CLCN5: variants seen among roughly 807,000 people sequenced by gnomAD.
The protein encoded by CLCN5 is Cl-/H+ antiporter 5, also known as H(+)/Cl(-) exchange transporter 5.
Under a neutral mutation model 54.0 loss-of-function variants are expected in CLCN5, and 17 were observed. The observed-to-expected ratio is 0.31, with a 90% CI of 0.22 to 0.47. The LOEUF (loss-of-function observed/expected upper bound fraction) is 0.47. CLCN5 is among the 20% of genes least tolerant of loss of function. The pLI, the probability that CLCN5 is intolerant of heterozygous loss-of-function variation, is 1.00. For missense variants in CLCN5, 448 were observed against 646.7 expected (o/e 0.69, Z 3.33); for synonymous variants, 222 against 233.0 (o/e 0.95, Z 0.43).
intron 3 of CLCN5, among the ~76,000 whole-genome samples, chrX:49,948,352 A>G (rs1926866557): frequency 1.8e-5 from 2 of 110,465 alleles, no homozygotes; most frequent in South Asian, 7.7e-4. Flanking sequence ...GTAGCTCTAA[A>G]CTCTAGATAG....
chrX:49,945,563 C>T (rs990494833), intron 3 of CLCN5: 7 of 106,740 alleles, frequency 6.6e-5, no homozygotes, highest in African/African-American at 2.1e-4. Context: ...TCTGCCTCTC[C>T]AGTAGCTGCA....
chrX:49,946,208 A>G, intron 3 of CLCN5, among the ~76,000 whole-genome samples: 1 of 112,524 alleles, frequency 8.9e-6, no homozygotes. Context: ...ATTGTTTGCT[A>G]TATTTGTTTT....
chrX:50,025,910 C>G lies in CLCN5; in HGVS notation c.17-16406C>G, dbSNP rs188897472. Among the ~76,000 whole-genome samples, 756 of 111,759 alleles carry G rather than the reference C, an allele frequency of 6.8e-3. 6 individuals carry two copies. Among genetic ancestry groups the G allele is most frequent in the African/African-American group, 0.023 (699 of 30,747 alleles). On this transcript the variant is annotated intron_variant, in intron 3 of 14. Transcript: ENST00000376091. ...TCTGCTCTAAGTTTTATTACTTCTT[C>G]TCTTCTGCTTACTTTGGATTCAATT...
At chrX:50,004,468 C>G (rs1393680696) in intron 3 of CLCN5, among the ~76,000 whole-genome samples, 1 of 110,761 alleles carries the variant, frequency 9.0e-6, no homozygotes, top group Non-Finnish European at 1.9e-5. Context: ...CTACTGTGTT[C>G]TAGGAACAAC....
At chrX:49,981,693 C>G (rs1602009348) in intron 3 of CLCN5, among the ~76,000 whole-genome samples, 1 of 96,402 alleles carries the variant, frequency 1.0e-5, no homozygotes, top group Non-Finnish European at 2.1e-5. Context: ...GCCATTGAAC[C>G]TTTTTTTTTT....
At chrX:49,942,741 T>C (rs1557171266) in intron 3 of CLCN5, among the ~76,000 whole-genome samples, 2 of 110,707 alleles carry the variant, frequency 1.8e-5, no homozygotes, top group Non-Finnish European at 3.8e-5. Flanking sequence ...AACTCATCCT[T>C]TTTTATGGCT....
At position 50,098,168 on chromosome X, in the gene CLCN5, G is replaced by C. The variant is rs1166198461; in HGVS notation, c.*5949G>C. 3 of 112,237 alleles carry C rather than the reference G, an allele frequency of 2.7e-5. No homozygotes were observed. Among genetic ancestry groups the C allele is most frequent in the African/African-American group, 9.8e-5 (3 of 30,703 alleles). 9.2% of individuals were successfully genotyped at this position (112,237 alleles called of 1,213,427 possible). A position where few individuals can be genotyped will look rare whatever the true frequency, so the allele number is the denominator to read the frequency against. On this transcript the variant is annotated 3_prime_UTR_variant, in exon 15 of 15. Transcript: ENST00000376091. Reference sequence around the variant, plus strand: ...TATATATTTGGTCCTTTGGGACTTTGTGATGATTAAGAATTTATTCCATTC... The same window carrying C: ...TATATATTTGGTCCTTTGGGACTTTCTGATGATTAAGAATTTATTCCATTC...
intron 12 of CLCN5, among the ~76,000 whole-genome samples, chrX:50,089,882 T>C (rs1338460925): frequency 9.0e-6 from 1 of 111,121 alleles, no homozygotes; most frequent in Non-Finnish European, 1.9e-5. Context: ...ACAAAACCCG[T>C]CTCAAAAAAA....
intron 3 of CLCN5, among the ~76,000 whole-genome samples, chrX:49,995,667 A>G (rs1393962749): frequency 3.6e-5 from 4 of 112,361 alleles, no homozygotes; most frequent in Non-Finnish European, 5.6e-5. Context: ...GTAAGACGTA[A>G]TAAGTTTATG....
chrX:50,057,974 C>T (rs1433580221), intron 4 of CLCN5, among the ~76,000 whole-genome samples: 1 of 110,863 alleles, frequency 9.0e-6, no homozygotes, highest in African/African-American at 3.3e-5. Context: ...TAAGAAGTGG[C>T]ATATAATAGG....
intron 4 of CLCN5, among the ~76,000 whole-genome samples, chrX:50,062,793 A>C (rs1932880271): frequency 9.8e-6 from 1 of 102,393 alleles, no homozygotes; most frequent in Non-Finnish European, 1.9e-5. Context: ...AAGAGCAGAA[A>C]TTATAACAAA....
intron 2 of CLCN5, 83 bp from the exon 3 acceptor site, chrX:49,925,088 T>C (rs1390060973): frequency 2.2e-6 from 1 of 456,917 alleles, no homozygotes; most frequent in Non-Finnish European, 3.8e-6. Flanking sequence ...AAAGAGAGGT[T>C]CAGAGAGGAG....
chrX:50,045,426 T>C (rs1394335250), intron 4 of CLCN5, among the ~76,000 whole-genome samples: 2 of 112,173 alleles, frequency 1.8e-5, no homozygotes, highest in Non-Finnish European at 3.8e-5. Flanking sequence ...TAAGCTTACA[T>C]TGGCTACCTC....
chrX:50,044,508 C>T (rs1441280310), intron 4 of CLCN5, among the ~76,000 whole-genome samples: 9 of 111,842 alleles, frequency 8.0e-5, no homozygotes, highest in African/African-American at 2.9e-4. Context: ...TTAGTGTGAG[C>T]AGCAAGGCTG....
intron 3 of CLCN5, among the ~76,000 whole-genome samples, chrX:49,929,772 GTTTTTTGTTTT>G (rs1371086243): frequency 4.0e-5 from 4 of 99,771 alleles, no homozygotes; most frequent in African/African-American, 1.3e-4. Flanking sequence ...ATAAATATAG[GTTTTTTGTTTT>G]TTTTTTTTTT....
intron 7 of CLCN5, among the ~76,000 whole-genome samples, chrX:50,079,934 C>T (rs1933613417): frequency 1.8e-5 from 2 of 111,213 alleles, no homozygotes; most frequent in African/African-American, 6.6e-5. Context: ...GATGCTCTTA[C>T]CACACATACA....
chrX:50,065,099 G>T (rs1414627552), intron 4 of CLCN5, among the ~76,000 whole-genome samples: 2 of 98,441 alleles, frequency 2.0e-5, no homozygotes, highest in African/African-American at 3.8e-5. Context: ...ACATAGGCAT[G>T]GGCAAGGACT....
intron 4 of CLCN5, among the ~76,000 whole-genome samples, chrX:50,051,040 AT>A (rs1179327252): frequency 2.7e-5 from 3 of 110,750 alleles, no homozygotes; most frequent in East Asian, 2.8e-4. Context: ...TAACTTATTA[AT>A]TTTTTTTCTT....
rs34424526 is a variant in CLCN5 at position 49,924,145 on chromosome X, AT to A, written c.-129+680del. On this transcript the variant is annotated intron_variant, in intron 2 of 14. Transcript: ENST00000376091. The stretch of plus-strand genomic sequence containing the variant: ...ATTTTTTCTCCCATTCCTAGCTCCT[AT>A]TTTTTTTTTTTTTTTTGGTTTGAGC... Among the ~76,000 whole-genome samples the A allele has an allele frequency of 2.9e-3, 244 of 84,395 alleles. 1 individual carries two copies. The highest frequency in any genetic ancestry group is 6.4e-3 in the Middle Eastern group (1 of 157). 73.3% of individuals were successfully genotyped at this position (84,395 alleles called of 115,157 possible). A position where few individuals can be genotyped will look rare whatever the true frequency, so the allele number is the denominator to read the frequency against.
Sources: gnomAD v4.1 joint callset for allele counts (sites outside exome capture counted in the v4.1 genomes callset) on GRCh38, gnomAD v4.1.1 for gene constraint, MANE v1.5 for transcripts, NCBI Gene and HGNC (gene_info 2026-07-23, HGNC 2026-07-21) for gene names.